CHD6: variants seen among roughly 807,000 people sequenced by gnomAD.
CHD6 encodes ATP-dependent chromatin remodeler CHD6.
In CHD6, 50 loss-of-function variants were observed where a neutral mutation model predicts 276.9. The ratio of observed to expected loss-of-function variants is 0.18; its 90% confidence interval spans 0.14 to 0.23. The LOEUF is 0.23. Among genes scored for constraint, CHD6 ranks in the 10% least tolerant of loss-of-function variants. The pLI is 1.00. For missense variants in CHD6, 2,564 were observed against 3,365.8 expected (o/e 0.76, Z 5.89); for synonymous variants, 1,173 against 1,229.3 (o/e 0.95, Z 0.96).
chr20:41,468,266 C>T (rs562514770), intron 17 of CHD6, among the ~76,000 whole-genome samples: 2 of 152,068 alleles, frequency 1.3e-5, no homozygotes, highest in South Asian at 2.1e-4. Context: ...CCCATCCCGA[C>T]GCCTGGCTAA....
chr20:41,577,582 T>C (rs2045488321), intron 1 of CHD6, among the ~76,000 whole-genome samples: 1 of 152,250 alleles, frequency 6.6e-6, no homozygotes, highest in South Asian at 2.1e-4. Flanking sequence ...CTCCTTTACG[T>C]GGACATGTAG....
At chr20:41,448,182 T>A (rs984065775) in intron 23 of CHD6, among the ~76,000 whole-genome samples, 3 of 152,154 alleles carry the variant, frequency 2.0e-5, no homozygotes, top group Non-Finnish European at 4.4e-5. Flanking sequence ...ACATCAGTTA[T>A]CTGTTAGATC....
At chr20:41,407,835 G>A (rs953236587) in intron 36 of CHD6, among the ~76,000 whole-genome samples, 1 of 152,164 alleles carries the variant, frequency 6.6e-6, no homozygotes, top group Non-Finnish European at 1.5e-5. Flanking sequence ...AGTGCGAGAC[G>A]CCACGAAGGA....
chr20:41,555,449 G>GGGGGGAGA (rs1396881188), intron 1 of CHD6, among the ~76,000 whole-genome samples: 7,670 of 150,752 alleles, frequency 0.051, 700 homozygotes, highest in African/African-American at 0.18. Flanking sequence ...TGGCTGCCGG[G>GGGGGGAGA]CGGAGACGCT....
At chr20:41,460,680 T>C (rs1243370317) in intron 17 of CHD6, among the ~76,000 whole-genome samples, 2 of 152,218 alleles carry the variant, frequency 1.3e-5, no homozygotes, top group African/African-American at 4.8e-5. Context: ...TTTAGATGTA[T>C]GCAAATGCCT....
In CHD6 at chr20:41,615,038, A is replaced by G. The variant is rs766427454; in HGVS notation, c.-24+3302T>C. Among the ~76,000 whole-genome samples the G allele has an allele frequency of 4.9e-4, 74 of 152,226 alleles. 1 individual carries two copies. Among genetic ancestry groups the G allele is most frequent in the Non-Finnish European group, 1.8e-4 (12 of 68,042 alleles). ...TGTTAGCTAATTAACCTAACACCAT[A>G]CCACTAAAATACAACAGTACGCTTG... On this transcript the variant is annotated intron_variant, in intron 1 of 36. Coordinates refer to ENST00000373233, the MANE Select transcript of CHD6 (RefSeq NM_032221.5).
At position 41,528,560 on chromosome 20, in the gene CHD6, A is replaced by C. The variant is rs1402613561; in HGVS notation, c.554+4490T>G. Among the ~76,000 whole-genome samples, 4 of 152,184 alleles carry C rather than the reference A, an allele frequency of 2.6e-5. No individual in the cohort carries two copies. The East Asian group carries it at 5.8e-4, about 22-fold the overall frequency. The stretch of plus-strand genomic sequence containing the variant: ...TTGCTTAAGTTTTACACAATAAAGG[A>C]ATGAACTAAACTCATACTCAAAAAT... On this transcript the variant is annotated intron_variant, in intron 3 of 36. Coordinates refer to ENST00000373233, the MANE Select transcript of CHD6 (RefSeq NM_032221.5).
chr20:41,409,715 T>C (rs1417882491), intron 36 of CHD6, among the ~76,000 whole-genome samples: 5 of 152,128 alleles, frequency 3.3e-5, no homozygotes, highest in African/African-American at 1.2e-4. Flanking sequence ...AATCTGAATA[T>C]AGACTAGATA....
intron 17 of CHD6, among the ~76,000 whole-genome samples, chr20:41,470,742 C>T (rs1386746174): frequency 6.6e-6 from 1 of 152,240 alleles, no homozygotes; most frequent in Non-Finnish European, 1.5e-5. Context: ...GATGACTTTG[C>T]CTTCTCCACT....
At position 41,421,863 on chromosome 20, in the gene CHD6, T is replaced by C; in HGVS notation, c.4772A>G (p.His1591Arg). 6.2e-7 allele frequency: 1 copy of C among 1,614,152 alleles called. No homozygotes were observed. Among genetic ancestry groups the C allele is most frequent in the Admixed American group, 1.7e-5 (1 of 60,020 alleles). ...DRDLLIGTAK[H>R]GLNRTDCYIM... Reference sequence around the variant, plus strand: ...GTAACAGTCAGTGCGGTTCAGCCCATGTTTGGCAGTGCCGATGAGCAGGTC... The same window carrying C: ...GTAACAGTCAGTGCGGTTCAGCCCACGTTTGGCAGTGCCGATGAGCAGGTC... The change falls in exon 31 of 37, where the codon CAT (histidine) becomes CGT (arginine). Residue 1591 changes from histidine (H) to arginine (R), a missense_variant. Physicochemically the swap from His to Arg is conservative, Grantham distance 29. Around this residue, in one of 7 missense-constraint regions of CHD6, gnomAD observed 515 missense variants for 739.5 expected, o/e 0.70. Transcript: ENST00000373233.
At chr20:41,412,874 A>C (rs923196376) in intron 35 of CHD6, among the ~76,000 whole-genome samples, 1 of 152,216 alleles carries the variant, frequency 6.6e-6, no homozygotes, top group Admixed American at 6.5e-5. Flanking sequence ...CTAAGGACAG[A>C]CCGTCCCCCA....
chr20:41,583,768 A>G (rs2045564912), intron 1 of CHD6, among the ~76,000 whole-genome samples: 1 of 152,196 alleles, frequency 6.6e-6, no homozygotes, highest in African/African-American at 2.4e-5. Flanking sequence ...AACTGGAAAT[A>G]TACTGTATTG....
chr20:41,602,141 AG>A (rs2045779643), intron 1 of CHD6, among the ~76,000 whole-genome samples: 1 of 152,206 alleles, frequency 6.6e-6, no homozygotes, highest in African/African-American at 2.4e-5. Context: ...GATTAATGAG[AG>A]CAAACTGATC....
chr20:41,563,268 C>A (rs1234708747), intron 1 of CHD6, among the ~76,000 whole-genome samples: 1 of 152,190 alleles, frequency 6.6e-6, no homozygotes, highest in African/African-American at 2.4e-5. Flanking sequence ...TGAGAACCTT[C>A]CTGTGGGCCA....
chr20:41,405,281 A>G lies in CHD6; in HGVS notation c.7460T>C (p.Met2487Thr), dbSNP rs1345334517. 8 of 1,614,236 alleles carry G rather than the reference A, an allele frequency of 5.0e-6. No individual in the cohort carries two copies. Among genetic ancestry groups the G allele is most frequent in the Non-Finnish European group, 5.1e-6 (6 of 1,180,034 alleles). ...DLVGLQNMRN[M>T]PGIPLTGLVG... is the part of the protein sequence containing the mutation. ...CAGCCCGGTGAGGGGGATGCCTGGC[A>G]TATTTCTCATGTTCTGAAGTCCTAC... is the stretch of plus-strand genomic sequence containing the variant. Residue 2487 changes from methionine to threonine, a missense_variant, in exon 37 of 37, where the codon ATG (methionine) becomes ACG (threonine). Physicochemically the swap from Met to Thr is moderately conservative, Grantham distance 81. Transcript: ENST00000373233.
chr20:41,497,345 A>G, intron 8 of CHD6, 39 bp downstream of exon 8: 1 of 1,251,364 alleles, frequency 8.0e-7, no homozygotes, highest in Non-Finnish European at 1.2e-6. Context: ...CTGCTGCAAG[A>G]AAAGCAGCAG....
chr20:41,494,012 T>C, intron 8 of CHD6, 68 bp from the exon 9 acceptor site: 4 of 1,105,232 alleles, frequency 3.6e-6, no homozygotes, highest in Non-Finnish European at 5.5e-6. Flanking sequence ...CCTAGGGTGT[T>C]ATCTCTAAGT....
At chr20:41,407,147 G>A (rs575417888) in intron 36 of CHD6, among the ~76,000 whole-genome samples, 75 of 152,304 alleles carry the variant, frequency 4.9e-4, no homozygotes, top group Middle Eastern at 6.8e-3. Flanking sequence ...AGGCCTCTGG[G>A]CTGCTGAGGC....
chr20:41,587,001 T>C (rs1159059791), intron 1 of CHD6, among the ~76,000 whole-genome samples: 1 of 152,060 alleles, frequency 6.6e-6, no homozygotes, highest in Non-Finnish European at 1.5e-5. Flanking sequence ...ACAGAAGCCA[T>C]AAAGAGTAAA....
Sources: gnomAD v4.1 joint callset for allele counts (sites outside exome capture counted in the v4.1 genomes callset) on GRCh38, gnomAD v4.1.1 for gene constraint, gnomAD v4.1.1 regional missense constraint, MANE v1.5 for transcripts, NCBI Gene and HGNC (gene_info 2026-07-23, HGNC 2026-07-21) for gene names.